SLC19A1: variants seen among roughly 807,000 people sequenced by gnomAD.
SLC19A1 encodes the protein reduced folate transporter.
A neutral mutation model predicts 35.3 loss-of-function variants in SLC19A1; 37 were observed. The observed-to-expected ratio is 1.05, with a 90% CI of 0.81 to 1.38. The LOEUF (loss-of-function observed/expected upper bound fraction) is 1.38, where lower values mean the gene tolerates loss of function less well. Ranked by LOEUF, SLC19A1 falls within the 40% of genes most tolerant of loss-of-function variation. The pLI, the probability that SLC19A1 is intolerant of heterozygous loss-of-function variation, is 0.00. For synonymous variants in SLC19A1, 460 were observed against 398.5 expected (o/e 1.15, Z -1.84); for missense variants, 831 against 826.9 (o/e 1.00, Z -0.06).
upstream of SLC19A1, among the ~76,000 whole-genome samples, chr21:45,545,156 C>T (rs1245763469): frequency 6.6e-6 from 1 of 152,202 alleles, no homozygotes; most frequent in African/African-American, 2.4e-5. Context: ...CACAGACATG[C>T]GCAGACACGC....
chr21:45,509,334 G>A (rs2037433956), downstream of SLC19A1: 1 of 1,542,394 alleles, frequency 6.5e-7, no homozygotes, highest in Non-Finnish European at 8.7e-7. Context: ...CCGCCGACAG[G>A]CCCCACGTCT....
chr21:45,504,286 T>G lies in SLC19A1; in HGVS notation c.498-5674A>C, dbSNP rs1267535153. 6.1e-6 allele frequency: 6 copies of G among 987,772 alleles called. No individual in the cohort carries two copies. In the East Asian group the frequency reaches 1.3e-4, roughly 21 times the overall value. 61.2% of individuals were successfully genotyped at this position (987,772 alleles called of 1,614,324 possible). ...AGGTGGGGAGTCGAGCCCTATTCTA[T>G]GCAGCCAGCAGCTCCCAGGCCTGGG... On this transcript the variant is annotated intron_variant, in intron 3 of 4. Coordinates refer to the SLC19A1 transcript ENST00000417954.
chr21:45,553,354 G>T (rs757933741), intron 1 of SLC19A1, among the ~76,000 whole-genome samples: 3 of 151,952 alleles, frequency 2.0e-5, no homozygotes, highest in Non-Finnish European at 4.4e-5. Context: ...GAGGGTCCCC[G>T]GGATAAAGTC....
rs1318920962 is a variant in SLC19A1 at position 45,515,408 on chromosome 21, A to C, written c.*250T>G. On this transcript the variant is annotated 3_prime_UTR_variant, in exon 6 of 6. Transcript: ENST00000311124. Reference sequence around the variant, plus strand: ...TGAGGCCTGGTGGACGCAGAAGCCCACCACCCACCTCTTCCAGCAACAAAG... The same window carrying C: ...TGAGGCCTGGTGGACGCAGAAGCCCCCCACCCACCTCTTCCAGCAACAAAG... 45 of 1,422,374 alleles carry C rather than the reference A, an allele frequency of 3.2e-5. No individual in the cohort carries two copies. Among genetic ancestry groups the C allele is most frequent in the Non-Finnish European group, 4.0e-5 (44 of 1,100,348 alleles). 88.1% of individuals were successfully genotyped at this position (1,422,374 alleles called of 1,614,324 possible).
At chr21:45,508,434 G>GGTGGGTAA (rs967064114), downstream of SLC19A1, among the ~76,000 whole-genome samples, 3 of 146,278 alleles carry the variant, frequency 2.1e-5, no homozygotes, top group Admixed American at 1.4e-4. Flanking sequence ...GTGGATGGAT[G>GGTGGGTAA]GTGGGTAAGT....
chr21:45,518,758 G>A (rs557639254), intron 5 of SLC19A1, among the ~76,000 whole-genome samples: 5 of 152,214 alleles, frequency 3.3e-5, no homozygotes, highest in African/African-American at 1.2e-4. Context: ...TATATCCAGT[G>A]AAAACATCCT....
At position 45,530,361 on chromosome 21, in the gene SLC19A1, A is replaced by T. The variant is rs2077827574; in HGVS notation, c.1151+409T>A. 7.0e-6 allele frequency among the ~76,000 whole-genome samples: 1 copy of T among 143,806 alleles called. No individual in the cohort carries two copies. The highest frequency in any genetic ancestry group is 4.1e-3 in the Middle Eastern group (1 of 242). The allele number at this position is 143,806 out of a possible 152,430, so 94.3% of individuals were successfully genotyped here. ...TCTGTGCGCATGTGGTGTGTTCATG[A>T]GTGTGTGTGTGTCCATGTGTGAGCG... On this transcript the variant is annotated intron_variant, in intron 4 of 5. Coordinates refer to ENST00000311124, the MANE Select transcript of SLC19A1 (RefSeq NM_194255.4). This position sits in a 1 kb window ranked among gnomAD's most constrained non-coding sequence, Gnocchi z 5.3.
In SLC19A1 at chr21:45,505,079, G is replaced by A. The variant is rs563486294; in HGVS notation, c.498-6467C>T. On this transcript the variant is annotated intron_variant, in intron 3 of 4. Coordinates refer to the SLC19A1 transcript ENST00000417954. Reference sequence around the variant, plus strand: ...CAGCTGCAGCCCCACAAGCTTGCCCGCCCCCAGTCCAGGGCACGAGGTAAC... The same window carrying A: ...CAGCTGCAGCCCCACAAGCTTGCCCACCCCCAGTCCAGGGCACGAGGTAAC... 413 of 1,583,924 alleles carry A rather than the reference G, an allele frequency of 2.6e-4. 1 individual carries two copies. In the African/African-American group the frequency reaches 3.1e-3, roughly 12 times the overall value.
In SLC19A1 at chr21:45,523,679, G is replaced by A. The variant is rs2077506055; in HGVS notation, c.1293+2138C>T. Among the ~76,000 whole-genome samples the A allele has an allele frequency of 2.6e-5, 4 of 152,208 alleles. No homozygotes were observed. The South Asian group carries it at 8.3e-4, about 31-fold the overall frequency. On this transcript the variant is annotated intron_variant, in intron 5 of 5. Coordinates refer to ENST00000311124, the MANE Select transcript of SLC19A1 (RefSeq NM_194255.4). ...CAAGAGGCAGTCACAGAGGGATGGA[G>A]GTGGGGCGGCAACGGTAGTCAGGGG... is the stretch of plus-strand genomic sequence containing the variant.
chr21:45,550,925 C>G (rs1291095274), intron 1 of SLC19A1, among the ~76,000 whole-genome samples: 1 of 123,552 alleles, frequency 8.1e-6, no homozygotes, highest in African/African-American at 3.1e-5. Flanking sequence ...CCTCCCCCCG[C>G]CTCCCCACAA....
downstream of SLC19A1, chr21:45,510,198 G>A (rs368134801): frequency 6.5e-5 from 104 of 1,601,760 alleles, 1 homozygote; most frequent in Middle Eastern, 1.7e-4. Context: ...CCTCGCGCCT[G>A]CAGGACCTGT....
At chr21:45,509,646 G>C (rs985730103), downstream of SLC19A1, 1 of 1,005,004 alleles carries the variant, frequency 1.0e-6, no homozygotes, top group Non-Finnish European at 1.5e-6. Flanking sequence ...TAGCCCCTCG[G>C]CTCTCGGCAG....
chr21:45,505,890 C>T (rs2146087935), intron 3 of SLC19A1: 2 of 1,612,898 alleles, frequency 1.2e-6, no homozygotes. Flanking sequence ...CACGAGGTTC[C>T]CGAGGGCTGG....
intron 3 of SLC19A1, chr21:45,506,318 A>C (rs956666393): frequency 5.4e-6 from 2 of 367,226 alleles, no homozygotes; most frequent in African/African-American, 2.1e-5. Flanking sequence ...CAGGCCCTCC[A>C]GGGCCACGTG....
rs11911198 is a variant in SLC19A1 at position 45,552,594 on chromosome 21, A to G, written c.-50+10148T>C. Among the ~76,000 whole-genome samples the G allele has an allele frequency of 8.3e-3, 1,258 of 152,296 alleles. 14 individuals carry two copies. Among genetic ancestry groups the G allele is most frequent in the African/African-American group, 0.028 (1,177 of 41,554 alleles). On this transcript the variant is annotated intron_variant, in intron 1 of 5. Transcript: ENST00000650808. ...TTAGCGCGTGCTATAATCCGCAGTCACCAGCAGAGCAGACAGCCTCTCGCC... is the reference window on the plus strand; with the variant it reads ...TTAGCGCGTGCTATAATCCGCAGTCGCCAGCAGAGCAGACAGCCTCTCGCC...
intron 3 of SLC19A1, chr21:45,504,109 G>A: frequency 6.3e-7 from 1 of 1,583,878 alleles, no homozygotes; most frequent in Admixed American, 1.7e-5. Flanking sequence ...CATCCCGCTG[G>A]GTGGCTGCTC....
chr21:45,505,298 GC>G, intron 3 of SLC19A1: 1 of 1,605,758 alleles, frequency 6.2e-7, no homozygotes. Context: ...TGGGGAGTGG[GC>G]CCCGGGCAGA....
chr21:45,505,222 CTCCCGG>C, intron 3 of SLC19A1: 2 of 1,601,150 alleles, frequency 1.2e-6, no homozygotes, highest in Non-Finnish European at 1.7e-6. Flanking sequence ...CGCCAGGGCC[CTCCCGG>C]CCCCCCAGGC....
Position 45,515,277 on chromosome 21 carries a change from ACTC to A in SLC19A1, c.*378_*380del, listed in dbSNP as rs1409759275. 90 of 1,481,944 alleles carry A rather than the reference ACTC, an allele frequency of 6.1e-5. No homozygotes were observed. The highest frequency in any genetic ancestry group is 7.7e-5 in the Non-Finnish European group (87 of 1,130,066). 91.8% of individuals were successfully genotyped at this position (1,481,944 alleles called of 1,614,324 possible). A position where few individuals can be genotyped will look rare whatever the true frequency, so the allele number is the denominator to read the frequency against. ...CCCACCCTGCCCTAGAGGGCTCACA[ACTC>A]CTGTGGGGCCAGTGTCCCCTGAGCT... is the stretch of plus-strand genomic sequence containing the variant. On this transcript the variant is annotated 3_prime_UTR_variant, in exon 6 of 6. Coordinates refer to ENST00000311124, the MANE Select transcript of SLC19A1 (RefSeq NM_194255.4).
Sources: allele counts gnomAD v4.1 joint callset (sites outside exome capture counted in the v4.1 genomes callset), GRCh38; gene constraint gnomAD v4.1.1; non-coding constraint Gnocchi (gnomAD v3.1); transcripts MANE v1.5; gene names NCBI Gene and HGNC (gene_info 2026-07-23, HGNC 2026-07-21).